Variants in HECW1 observed in about 807,000 individuals in gnomAD.
HECW1 encodes the protein E3 ubiquitin-protein ligase HECW1.
Under a neutral mutation model 182.3 loss-of-function variants are expected in HECW1, and 61 were observed. That is an observed-to-expected ratio of 0.33 (90% CI 0.27 to 0.41). The LOEUF (loss-of-function observed/expected upper bound fraction) is 0.41, where lower values mean the gene tolerates loss of function less well. HECW1 is among the 10% of genes least tolerant of loss of function. The pLI is 1.00. For synonymous variants in HECW1, 859 were observed against 832.6 expected, an observed-to-expected ratio of 1.03 and a Z score of -0.55; for missense variants, 1,739 against 2,108.9, an observed-to-expected ratio of 0.82 and a Z score of 3.44.
chr7:43,223,632 A>G (rs564467560), intron 2 of HECW1, among the ~76,000 whole-genome samples: 216 of 152,122 alleles, frequency 1.4e-3, no homozygotes, highest in Middle Eastern at 3.4e-3. Context: ...AAAAAAAAAA[A>G]TATGCCAAGT....
chr7:43,419,947 T>C (rs146287428), intron 8 of HECW1, among the ~76,000 whole-genome samples: 209 of 152,280 alleles, frequency 1.4e-3, no homozygotes, highest in African/African-American at 4.8e-3. Flanking sequence ...TTTGTCCCGA[T>C]TGGCTAGCAA....
At position 43,518,940 on chromosome 7, in the gene HECW1, A is replaced by AG. The variant is rs1027568497; in HGVS notation, c.4019+9825dup. 1.6e-4 allele frequency among the ~76,000 whole-genome samples: 25 copies of AG among 152,290 alleles called. 1 individual carries two copies. The highest frequency in any genetic ancestry group is 5.3e-4 in the African/African-American group (22 of 41,570). On this transcript the variant is annotated intron_variant, in intron 24 of 29. Coordinates refer to ENST00000395891, the MANE Select transcript of HECW1 (RefSeq NM_015052.5). ...CATGAAAGCAATTTTATAGCCTTTCAGGGGGGAATGCAATCCACAATATAA... is the reference window on the plus strand; with the variant it reads ...CATGAAAGCAATTTTATAGCCTTTCAGGGGGGGAATGCAATCCACAATATAA...
rs2080777598 is a variant in HECW1 at position 43,526,862 on chromosome 7, G to A, written c.4020-14301G>A. ...AAAAAATAAATTAGCCAGGCATGGT[G>A]GTGTGCAACTGTGGTCCCTGCTACT... On this transcript the variant is annotated intron_variant, in intron 24 of 29. Coordinates refer to ENST00000395891, the MANE Select transcript of HECW1 (RefSeq NM_015052.5). 3.3e-5 allele frequency among the ~76,000 whole-genome samples: 5 copies of A among 152,140 alleles called. No individual in the cohort carries two copies. The South Asian group carries it at 1.0e-3, about 32-fold the overall frequency.
intron 2 of HECW1, among the ~76,000 whole-genome samples, chr7:43,192,274 A>G (rs1793998197): frequency 6.6e-6 from 1 of 152,230 alleles, no homozygotes; most frequent in Admixed American, 6.5e-5. Context: ...TAGTATTAAT[A>G]GATCAGTAGG....
At chr7:43,271,392 T>C (rs1378984682) in intron 3 of HECW1, among the ~76,000 whole-genome samples, 1 of 152,158 alleles carries the variant, frequency 6.6e-6, no homozygotes, top group East Asian at 1.9e-4. Context: ...GAAAGGGGCA[T>C]CCAAACAGGA....
intron 8 of HECW1, among the ~76,000 whole-genome samples, chr7:43,418,348 G>T (rs1350691269): frequency 2.0e-5 from 3 of 152,162 alleles, no homozygotes; most frequent in Non-Finnish European, 4.4e-5. Flanking sequence ...TCTATTGTTG[G>T]TTCACTGAAC....
chr7:43,339,352 C>T (rs766365656), intron 5 of HECW1, among the ~76,000 whole-genome samples: 1 of 152,114 alleles, frequency 6.6e-6, no homozygotes, highest in African/African-American at 2.4e-5. Context: ...ACCTATCTCC[C>T]GGTTTACGAA....
intron 2 of HECW1, among the ~76,000 whole-genome samples, chr7:43,150,252 C>G (rs1013784085): frequency 6.6e-6 from 1 of 152,212 alleles, no homozygotes; most frequent in African/African-American, 2.4e-5. Flanking sequence ...ACCAAGGTTA[C>G]TTAACTTTCT....
chr7:43,419,046 G>A lies in HECW1; in HGVS notation c.801+11315G>A, dbSNP rs59547891. Among the ~76,000 whole-genome samples, 478 of 152,270 alleles carry A rather than the reference G, an allele frequency of 3.1e-3. 3 individuals are homozygous for A. Among genetic ancestry groups the A allele is most frequent in the African/African-American group, 0.011 (453 of 41,546 alleles). ...CAAACTGATTTCATTTGCCCTGTGC[G>A]TGTATGATTCTGGGATCAGCCATAA... On this transcript the variant is annotated intron_variant, in intron 8 of 29. Transcript: ENST00000395891.
intron 5 of HECW1, among the ~76,000 whole-genome samples, chr7:43,352,256 G>A (rs1249906852): frequency 3.3e-5 from 5 of 152,064 alleles, no homozygotes; most frequent in Admixed American, 2.6e-4. Context: ...AATTAAATTT[G>A]AATTTAAAAT....
rs1255708849 is a variant in HECW1 at position 43,565,071 on chromosome 7, C to G, written c.*3145C>G. On this transcript the variant is annotated 3_prime_UTR_variant, in exon 30 of 30. Transcript: ENST00000395891. The stretch of plus-strand genomic sequence containing the variant: ...AACTTTGAAAAATGCTTTTAAAATT[C>G]TATAAAGTGTTATAATAATTTCATG... 5.2e-6 allele frequency: 1 copy of G among 193,262 alleles called. No individual in the cohort carries two copies. The highest frequency in any genetic ancestry group is 1.1e-5 in the Non-Finnish European group (1 of 92,832). The allele number at this position is 193,262 out of a possible 1,614,324, so 12.0% of individuals were successfully genotyped here. A position where few individuals can be genotyped will look rare whatever the true frequency, so the allele number is the denominator to read the frequency against.
intron 2 of HECW1, among the ~76,000 whole-genome samples, chr7:43,184,694 A>G (rs1294952494): frequency 6.6e-6 from 1 of 152,220 alleles, no homozygotes; most frequent in African/African-American, 2.4e-5. Flanking sequence ...TCATGCCTGT[A>G]TGCATCTGTT....
intron 3 of HECW1, among the ~76,000 whole-genome samples, chr7:43,305,434 T>C (rs973689822): frequency 2.0e-5 from 3 of 152,174 alleles, no homozygotes; most frequent in African/African-American, 2.4e-5. Flanking sequence ...TTGGAGAGAA[T>C]GCTTAAGAAT....
intron 19 of HECW1, among the ~76,000 whole-genome samples, chr7:43,499,443 TG>T (rs2152923240): frequency 6.7e-6 from 1 of 149,198 alleles, no homozygotes; most frequent in South Asian, 2.1e-4. Flanking sequence ...CCCTCCAGCC[TG>T]GGCAACAGAG....
chr7:43,113,675 G>C (rs969965165), intron 1 of HECW1: 3 of 197,504 alleles, frequency 1.5e-5, no homozygotes, highest in East Asian at 7.9e-5. Context: ...GCGGGGAGGG[G>C]GGGGGAATGC....
chr7:43,140,451 A>G (rs1301969723), intron 2 of HECW1, among the ~76,000 whole-genome samples: 1 of 152,182 alleles, frequency 6.6e-6, no homozygotes, highest in African/African-American at 2.4e-5. Context: ...GGTTAAGGGT[A>G]TATCTAAGTG....
chr7:43,218,949 G>C (rs1796695481), intron 2 of HECW1, among the ~76,000 whole-genome samples: 1 of 152,182 alleles, frequency 6.6e-6, no homozygotes, highest in Non-Finnish European at 1.5e-5. Context: ...GTGCCGGGGA[G>C]CCAAGAGAGG....
chr7:43,545,940 C>A (rs1423055703), intron 26 of HECW1, among the ~76,000 whole-genome samples: 1 of 151,938 alleles, frequency 6.6e-6, no homozygotes, highest in Non-Finnish European at 1.5e-5. Flanking sequence ...CTATATAGTA[C>A]CAATCCTTTG....
chr7:43,368,337 C>T (rs185227000), intron 6 of HECW1, among the ~76,000 whole-genome samples: 1 of 152,206 alleles, frequency 6.6e-6, no homozygotes, highest in Admixed American at 6.5e-5. Context: ...TGTGCACACA[C>T]CACAGCCATG....
Sources: gnomAD v4.1 joint callset for allele counts (sites outside exome capture counted in the v4.1 genomes callset) on GRCh38, gnomAD v4.1.1 for gene constraint, MANE v1.5 for transcripts, NCBI Gene and HGNC (gene_info 2026-07-23, HGNC 2026-07-21) for gene names.